The following GPC6 variants were observed in gnomAD, a reference collection of about 807,000 sequenced individuals.
GPC6 encodes glypican 6.
A neutral mutation model predicts 55.2 loss-of-function variants in GPC6; 14 were observed. That is an observed-to-expected ratio of 0.25 (90% CI 0.17 to 0.40). GPC6 has a LOEUF of 0.40. Ranked by LOEUF, GPC6 falls within the 10% of genes least tolerant of loss-of-function variation. GPC6 has a pLI of 1.00. For missense variants in GPC6, 641 were observed against 708.5 expected (o/e 0.90, Z 1.08); for synonymous variants, 278 against 259.6 (o/e 1.07, Z -0.68).
intron 4 of GPC6, among the ~76,000 whole-genome samples, chr13:94,196,165 T>G (rs1291032683): frequency 1.3e-5 from 2 of 151,808 alleles, no homozygotes; most frequent in Non-Finnish European, 2.9e-5. Flanking sequence ...ATACCACAAT[T>G]AACTTGAATA....
chr13:93,452,734 A>G (rs1032828826), intron 1 of GPC6, among the ~76,000 whole-genome samples: 2 of 152,216 alleles, frequency 1.3e-5, no homozygotes, highest in African/African-American at 4.8e-5. Context: ...TTCAAACAGA[A>G]CATGGATTAA....
intron 2 of GPC6, among the ~76,000 whole-genome samples, chr13:93,776,368 A>C (rs966187680): frequency 2.0e-5 from 3 of 152,184 alleles, no homozygotes; most frequent in African/African-American, 7.2e-5. Context: ...GAAACTGCTG[A>C]GACTGAAAGT....
chr13:93,671,849 G>A (rs2139628489), intron 2 of GPC6, among the ~76,000 whole-genome samples: 1 of 152,116 alleles, frequency 6.6e-6, no homozygotes, highest in South Asian at 2.1e-4. Flanking sequence ...CCTATGGGAG[G>A]GAGGAAAGGT....
At chr13:93,331,023 A>G (rs2139136425) in intron 1 of GPC6, among the ~76,000 whole-genome samples, 1 of 152,266 alleles carries the variant, frequency 6.6e-6, no homozygotes, top group African/African-American at 2.4e-5. Flanking sequence ...ACTGATAACT[A>G]TTTGATGGGA....
At chr13:94,029,972 A>G (rs1211724382) in intron 4 of GPC6, among the ~76,000 whole-genome samples, 3 of 151,374 alleles carry the variant, frequency 2.0e-5, no homozygotes, top group African/African-American at 4.9e-5. Context: ...GGTTCGTCCT[A>G]TATGAACGTA....
chr13:94,159,927 A>G (rs1888095096), intron 4 of GPC6, among the ~76,000 whole-genome samples: 1 of 152,186 alleles, frequency 6.6e-6, no homozygotes, highest in Non-Finnish European at 1.5e-5. Flanking sequence ...GCTGTCTTAT[A>G]TCTCATCCAC....
chr13:94,246,011 C>A (rs1891185331), intron 4 of GPC6, among the ~76,000 whole-genome samples: 1 of 152,110 alleles, frequency 6.6e-6, no homozygotes, highest in South Asian at 2.1e-4. Context: ...TTTCTCCGCA[C>A]CCTTGACAAC....
intron 3 of GPC6, among the ~76,000 whole-genome samples, chr13:94,023,838 C>A (rs1882792833): frequency 6.6e-6 from 1 of 151,614 alleles, no homozygotes; most frequent in Non-Finnish European, 1.5e-5. Flanking sequence ...GTTGGATGGA[C>A]CTTGAGGGCA....
chr13:93,636,988 C>A (rs1197991592), intron 2 of GPC6, among the ~76,000 whole-genome samples: 1 of 151,046 alleles, frequency 6.6e-6, no homozygotes, highest in South Asian at 2.1e-4. Context: ...AGAGCAGAAA[C>A]CTTTTAGGTT....
intron 1 of GPC6, among the ~76,000 whole-genome samples, chr13:93,507,588 T>C (rs1441370581): frequency 6.6e-6 from 1 of 152,220 alleles, no homozygotes; most frequent in Non-Finnish European, 1.5e-5. Context: ...CCAGCAAATA[T>C]CTAAGTGTTA....
Position 93,675,903 on chromosome 13 carries a change from C to A in GPC6, c.319+130482C>A, listed in dbSNP as rs185575540. Among the ~76,000 whole-genome samples the A allele has an allele frequency of 2.0e-5, 3 of 151,876 alleles. No homozygotes were observed. In the East Asian group the frequency reaches 5.8e-4, roughly 30 times the overall value. The stretch of plus-strand genomic sequence containing the variant: ...GTAATTTTTCTAGATCCAAGGACTA[C>A]TTTTTATTACTATACAATTTCAGAA... On this transcript the variant is annotated intron_variant, in intron 2 of 8. Coordinates refer to ENST00000377047, the MANE Select transcript of GPC6 (RefSeq NM_005708.5).
intron 3 of GPC6, among the ~76,000 whole-genome samples, chr13:93,933,150 G>A (rs1369996889): frequency 1.3e-5 from 2 of 151,618 alleles, no homozygotes; most frequent in Non-Finnish European, 2.9e-5. Context: ...TTTTGTACAT[G>A]GTACAGGGAG....
At chr13:93,312,734 T>C (rs752385489) in intron 1 of GPC6, among the ~76,000 whole-genome samples, 1 of 152,196 alleles carries the variant, frequency 6.6e-6, no homozygotes, top group Non-Finnish European at 1.5e-5. Flanking sequence ...GTTGAGCACC[T>C]TGCAATACTT....
At chr13:94,132,787 T>C (rs1385119253) in intron 4 of GPC6, among the ~76,000 whole-genome samples, 1 of 152,182 alleles carries the variant, frequency 6.6e-6, no homozygotes, top group East Asian at 1.9e-4. Flanking sequence ...CGGAGTCAGA[T>C]GCTGAAATAG....
At chr13:94,116,383 C>G (rs563004737) in intron 4 of GPC6, among the ~76,000 whole-genome samples, 1 of 151,944 alleles carries the variant, frequency 6.6e-6, no homozygotes, top group Non-Finnish European at 1.5e-5. Flanking sequence ...AAAGAAGTCC[C>G]AATTGTCATA....
intron 3 of GPC6, among the ~76,000 whole-genome samples, chr13:94,019,735 A>T (rs1345136578): frequency 6.6e-6 from 1 of 152,170 alleles, no homozygotes. Flanking sequence ...CCTATTTCCT[A>T]ATAAAGTCTT....
chr13:93,808,779 G>A (rs943412221), intron 2 of GPC6, among the ~76,000 whole-genome samples: 1 of 152,144 alleles, frequency 6.6e-6, no homozygotes, highest in Non-Finnish European at 1.5e-5. Flanking sequence ...AGCTAAATCA[G>A]AACAGAACCA....
chr13:93,309,665 CATT>C (rs1878995856), intron 1 of GPC6, among the ~76,000 whole-genome samples: 1 of 152,060 alleles, frequency 6.6e-6, no homozygotes, highest in South Asian at 2.1e-4. Context: ...AAGAAGCTAT[CATT>C]ATTTTCATGA....
chr13:94,385,206 C>T (rs1276775890), intron 7 of GPC6, among the ~76,000 whole-genome samples: 1 of 151,482 alleles, frequency 6.6e-6, no homozygotes, highest in East Asian at 1.9e-4. Flanking sequence ...TACCACTGCA[C>T]TCCAGCCTGG....
Sources: allele counts gnomAD v4.1 joint callset (sites outside exome capture counted in the v4.1 genomes callset), GRCh38; gene constraint gnomAD v4.1.1; transcripts MANE v1.5; gene names NCBI Gene and HGNC (gene_info 2026-07-23, HGNC 2026-07-21).